CYP17A1: variants seen among roughly 807,000 people sequenced by gnomAD.
CYP17A1 encodes steroid 17-alpha-hydroxylase/17,20 lyase.
Under a neutral mutation model 38.5 loss-of-function variants are expected in CYP17A1, and 27 were observed. The observed-to-expected ratio is 0.70, with a 90% CI of 0.52 to 0.97. The LOEUF (loss-of-function observed/expected upper bound fraction) is 0.97, where lower values mean the gene tolerates loss of function less well. CYP17A1 is among the 50% of genes least tolerant of loss of function. The pLI, the probability that CYP17A1 is intolerant of heterozygous loss-of-function variation, is 0.00. For synonymous variants in CYP17A1, 263 were observed against 253.3 expected, an observed-to-expected ratio of 1.04 and a Z score of -0.36; for missense variants, 549 against 645.9, an observed-to-expected ratio of 0.85 and a Z score of 1.63.
At position 102,837,058 on chromosome 10, in the gene CYP17A1, C is replaced by G. The variant is rs752831246; in HGVS notation, c.297+7G>C. ...AAGGGGGCAGGGAGGAGATGGGCAC[C>G]ACTTACCATTTGAGGCCGCCCAGAG... On this transcript the variant is annotated splice_region_variant and intron_variant, in intron 1 of 7. Transcript: ENST00000369887. 4 of 1,559,346 alleles carry G rather than the reference C, an allele frequency of 2.6e-6. No homozygotes were observed. The highest frequency in any genetic ancestry group is 3.5e-6 in the Non-Finnish European group (4 of 1,131,150).
At position 102,834,473 on chromosome 10, in the gene CYP17A1, A is replaced by G. The variant is rs941506180; in HGVS notation, c.666+312T>C. On this transcript the variant is annotated intron_variant, in intron 3 of 7. Transcript: ENST00000369887. The stretch of plus-strand genomic sequence containing the variant: ...GCTAAGCCTGCTTCTCACCTGCACA[A>G]TGGGGATAATAAAACCTACTTCCAA... 1.4e-5 allele frequency: 8 copies of G among 553,528 alleles called. No homozygotes were observed. In the African/African-American group the frequency reaches 1.5e-4, roughly 10 times the overall value. 34.3% of individuals were successfully genotyped at this position (553,528 alleles called of 1,614,324 possible).
chr10:102,834,495 C>T (rs1009886525), intron 3 of CYP17A1: 5 of 568,078 alleles, frequency 8.8e-6, no homozygotes, highest in South Asian at 2.0e-5. Context: ...AAACCTACTT[C>T]CAAGGGGAAT....
intron 1 of CYP17A1, among the ~76,000 whole-genome samples, chr10:102,836,073 G>C (rs1428662901): frequency 1.3e-5 from 2 of 152,120 alleles, no homozygotes; most frequent in African/African-American, 4.8e-5. Context: ...CTGCCCCCGG[G>C]AGGAAGCCAG....
rs548446966 is a variant in CYP17A1, at chr10:102,835,354, G to C, written c.336C>G (p.Ile112Met). ...LDIASNNRKG[I>M]AFADSGAHWQ... Reference sequence around the variant, plus strand: ...AGTGTGCGCCAGAGTCAGCGAAGGCGATACCCTTACGGTTGTTGGACGCGA... The same window carrying C: ...AGTGTGCGCCAGAGTCAGCGAAGGCCATACCCTTACGGTTGTTGGACGCGA... The change falls in exon 2 of 8, where the codon ATC becomes ATG. Residue 112 changes from isoleucine (I) to methionine (M), a missense_variant. Transcript: ENST00000369887. The C allele has an allele frequency of 6.2e-7, 1 of 1,612,204 alleles. No individual in the cohort carries two copies. Among genetic ancestry groups the C allele is most frequent in the Non-Finnish European group, 8.5e-7 (1 of 1,178,212 alleles).
intron 1 of CYP17A1, among the ~76,000 whole-genome samples, chr10:102,836,249 G>A (rs920545006): frequency 6.6e-6 from 1 of 152,062 alleles, no homozygotes; most frequent in African/African-American, 2.4e-5. Context: ...ACGAGGTCAG[G>A]AGATCGAGAC....
rs45455494 is a variant in CYP17A1 at position 102,830,536 on chromosome 10, GA to G, written c.*165del. The stretch of plus-strand genomic sequence containing the variant: ...AAATGAACTACTCAGGGACCTTATG[GA>G]AAAAAAAAAACTGTTTATGCACATC... On this transcript the variant is annotated 3_prime_UTR_variant, in exon 8 of 8. Transcript: ENST00000369887. The surrounding 1 kb of genome is among the most constrained non-coding windows in gnomAD (Gnocchi z 4.1). 1,315 of 480,616 alleles carry G rather than the reference GA, an allele frequency of 2.7e-3. No individual in the cohort carries two copies. The highest frequency in any genetic ancestry group is 4.6e-3 in the South Asian group (179 of 38,928). The allele number at this position is 480,616 out of a possible 1,614,324, so 29.8% of individuals were successfully genotyped here. A position where few individuals can be genotyped will look rare whatever the true frequency, so the allele number is the denominator to read the frequency against.
chr10:102,834,822 C>T lies in CYP17A1; in HGVS notation c.629G>A (p.Ser210Asn). ...NYNEGIIDNL[S>N]KDSLVDLVPW... ...GACTAGGTCCACCAGGCTGTCTTTG[C>T]TCAGGTTGTCTATGATGCCTTCATT... Residue 210 changes from serine (S) to asparagine (N), a missense_variant, in exon 3 of 8, where the codon AGC (serine) becomes AAC (asparagine). Physicochemically the swap from Ser to Asn is conservative, Grantham distance 46 (BLOSUM62 1). Coordinates refer to ENST00000369887, the MANE Select transcript of CYP17A1 (RefSeq NM_000102.4). The T allele has an allele frequency of 5.6e-6, 9 of 1,614,144 alleles. No homozygotes were observed. The highest frequency in any genetic ancestry group is 7.6e-6 in the Non-Finnish European group (9 of 1,180,038).
chr10:102,832,555 G>C lies in CYP17A1; in HGVS notation c.1095C>G (p.Pro365=). 1 of 1,611,280 alleles carries C rather than the reference G, an allele frequency of 6.2e-7. No homozygotes were observed. The highest frequency in any genetic ancestry group is 1.1e-5 in the South Asian group (1 of 91,032). ...ATIREVLRLR[P]VAPMLIPHKA... ...TGTGGGGGATGAGCATAGGGGCCAC[G>C]GGCCTGAGGCGAAGCACCTCTCGGA... The change falls in exon 6 of 8, where the codon CCC becomes CCG. Residue 365 remains proline, a synonymous_variant. Coordinates refer to ENST00000369887, the MANE Select transcript of CYP17A1 (RefSeq NM_000102.4).
chr10:102,832,459 A>G, intron 6 of CYP17A1, 52 bp downstream of exon 6: 1 of 1,219,840 alleles, frequency 8.2e-7, no homozygotes, highest in South Asian at 1.2e-5. Context: ...TGGGCTGGCA[A>G]GCAGTGTTGA....
intron 1 of CYP17A1, chr10:102,835,593 C>T (rs943205349): frequency 2.4e-5 from 15 of 630,222 alleles, no homozygotes; most frequent in Middle Eastern, 3.1e-4. Context: ...ACTCCCAATT[C>T]CTTCAGAAAT....
intron 1 of CYP17A1, among the ~76,000 whole-genome samples, chr10:102,836,455 CAAAA>C (rs71019622): frequency 1.3e-4 from 8 of 62,590 alleles, no homozygotes; most frequent in African/African-American, 3.8e-4. Context: ...GACTCTGTCT[CAAAA>C]AAAAAAAAAA....
chr10:102,836,017 A>G (rs1214719981), intron 1 of CYP17A1, among the ~76,000 whole-genome samples: 3 of 152,086 alleles, frequency 2.0e-5, no homozygotes, highest in African/African-American at 7.2e-5. Context: ...TCCCTTTTCC[A>G]TTTCCTGACC....
Position 102,834,998 on chromosome 10 carries a change from A to G in CYP17A1, c.453T>C (p.Ser151=). Residue 151 remains serine (S), a synonymous_variant, in exon 3 of 8, where the codon AGT becomes AGC. Transcript: ENST00000369887. ...KLEKIICQEI[S]TLCDMLATHN... ...GGGTGGCCAGCATATCACACAATGT[A>G]CTGATTTCCTGACAAACTGAAGGGA... 6.3e-7 allele frequency: 1 copy of G among 1,597,492 alleles called. No individual in the cohort carries two copies. The highest frequency in any genetic ancestry group is 2.2e-5 in the East Asian group (1 of 44,826).
chr10:102,836,970 G>T (rs1844170759), intron 1 of CYP17A1, 95 bp downstream of exon 1: 5 of 805,816 alleles, frequency 6.2e-6, no homozygotes, highest in Non-Finnish European at 9.0e-6. Context: ...ATTACAGGTT[G>T]TTGGAGCTGG....
chr10:102,832,552 C>T lies in CYP17A1; in HGVS notation c.1098G>A (p.Val366=). ...CCTTGTGGGGGATGAGCATAGGGGCCACGGGCCTGAGGCGAAGCACCTCTC... is the reference window on the plus strand; with the variant it reads ...CCTTGTGGGGGATGAGCATAGGGGCTACGGGCCTGAGGCGAAGCACCTCTC... ...TIREVLRLRP[V]APMLIPHKAN... is the part of the protein sequence containing the mutation. Residue 366 remains valine (V), a synonymous_variant, in exon 6 of 8, where the codon GTG becomes GTA. Transcript: ENST00000369887. 1 of 1,612,124 alleles carries T rather than the reference C, an allele frequency of 6.2e-7. No homozygotes were observed. The highest frequency in any genetic ancestry group is 1.1e-5 in the South Asian group (1 of 91,046).
intron 2 of CYP17A1, 105 bp downstream of exon 2, chr10:102,835,149 T>A (rs743575): frequency 5.2e-6 from 6 of 1,156,652 alleles, no homozygotes; most frequent in South Asian, 1.2e-5. Flanking sequence ...AAGAAAAGGC[T>A]GCATTGCGCT....
At chr10:102,835,788 G>A (rs1844154950) in intron 1 of CYP17A1, among the ~76,000 whole-genome samples, 1 of 152,174 alleles carries the variant, frequency 6.6e-6, no homozygotes, top group South Asian at 2.1e-4. Flanking sequence ...AGGTGAGCTT[G>A]TAGAGGCTGA....
At chr10:102,835,438 C>G (rs773859640) in intron 1 of CYP17A1, 46 bp from the exon 2 acceptor site, 5 of 1,545,286 alleles carry the variant, frequency 3.2e-6, no homozygotes, top group African/African-American at 1.4e-5. Context: ...CCATCCACCC[C>G]ACTCTTGCCC....
rs767329419 is a variant in CYP17A1 at position 102,830,999 on chromosome 10, G to GTGGC, written c.1244-18_1244-15dup. 914 of 1,549,084 alleles carry GTGGC rather than the reference G, an allele frequency of 5.9e-4. 3 individuals are homozygous for GTGGC. The highest frequency in any genetic ancestry group is 7.4e-4 in the South Asian group (63 of 85,048). On this transcript the variant is annotated splice_polypyrimidine_tract_variant and intron_variant, in intron 7 of 7. Transcript: ENST00000369887. The surrounding 1 kb of genome is among the most constrained non-coding windows in gnomAD (Gnocchi z 4.1). Reference sequence around the variant, plus strand: ...TCAAGAAACGCTCTGCAGGCAAGGAGTGGCATCAGCCAGGGGTTAGGGCAG... The same window carrying GTGGC: ...TCAAGAAACGCTCTGCAGGCAAGGAGTGGCTGGCATCAGCCAGGGGTTAGGGCAG...
Sources: allele counts gnomAD v4.1 joint callset (sites outside exome capture counted in the v4.1 genomes callset), GRCh38; gene constraint gnomAD v4.1.1; non-coding constraint Gnocchi (gnomAD v3.1); transcripts MANE v1.5; gene names NCBI Gene and HGNC (gene_info 2026-07-23, HGNC 2026-07-21).